The following DUSP22 variants were observed in gnomAD, a reference collection of about 807,000 sequenced individuals.
DUSP22 encodes dual specificity protein phosphatase 22.
In DUSP22, 24 loss-of-function variants were observed where a neutral mutation model predicts 24.5. That is an observed-to-expected ratio of 0.98 (90% CI 0.71 to 1.38). The LOEUF is 1.38. DUSP22 is among the 40% of genes most tolerant of loss of function. DUSP22 has a pLI of 0.00. For synonymous variants in DUSP22, 160 were observed against 106.4 expected (o/e 1.50, Z -3.10); for missense variants, 330 against 269.2 (o/e 1.23, Z -1.58).
intron 1 of DUSP22, among the ~76,000 whole-genome samples, chr6:303,365 T>A (rs1319139827): frequency 6.6e-6 from 1 of 152,310 alleles, no homozygotes; most frequent in African/African-American, 2.4e-5. Context: ...TGGCTGGTTG[T>A]CCCTCTGCAC....
rs534558705 is a variant in DUSP22 at position 308,990 on chromosome 6, T to C, written c.56-2890T>C. 2.0e-5 allele frequency among the ~76,000 whole-genome samples: 3 copies of C among 152,418 alleles called. No individual in the cohort carries two copies. In the South Asian group the frequency reaches 6.2e-4, roughly 32 times the overall value. On this transcript the variant is annotated intron_variant, in intron 2 of 6. Transcript: ENST00000419235. ...TGTGAGCGCTGAAGCTGTGGCTTTG[T>C]CTGTTTCACTGCTTTTCTAAAATGT...
At chr6:312,419 C>T (rs868389579) in intron 3 of DUSP22, among the ~76,000 whole-genome samples, 10 of 152,260 alleles carry the variant, frequency 6.6e-5, no homozygotes, top group Admixed American at 1.3e-4. Flanking sequence ...TTCCCAGGGC[C>T]GCTCTAATGT....
rs769350218 is a variant in DUSP22, at chr6:348,905, C to T, written c.572C>T (p.Pro191Leu). The change falls in exon 7 of 7, where the codon CCG becomes CTG. Residue 191 changes from proline to leucine, a missense_variant. Pro to Leu is a moderately conservative substitution (Grantham distance 98). Coordinates refer to ENST00000419235, the MANE Select transcript of DUSP22 (RefSeq NM_001286555.3). Reference protein sequence around the residue: ...QPGARRWSSFPALAPLTYDNY... With the variant: ...QPGARRWSSFLALAPLTYDNY... ...GGCGCCAGGCGGTGGAGCAGTTTTC[C>T]GGCACTGGCTCCGCTGACCTACGAT... 33 of 1,613,544 alleles carry T rather than the reference C, an allele frequency of 2.0e-5. No homozygotes were observed. Among genetic ancestry groups the T allele is most frequent in the African/African-American group, 5.3e-5 (4 of 74,950 alleles).
intron 2 of DUSP22, among the ~76,000 whole-genome samples, chr6:307,240 A>G (rs1757850925): frequency 6.6e-6 from 1 of 152,288 alleles, no homozygotes; most frequent in Non-Finnish European, 1.5e-5. Context: ...AAGGAACGTA[A>G]ACAGTCACTC....
chr6:343,919 A>T (rs1268021116), intron 4 of DUSP22, among the ~76,000 whole-genome samples: 2 of 152,428 alleles, frequency 1.3e-5, no homozygotes, highest in East Asian at 3.9e-4. Flanking sequence ...GTACTCAGTC[A>T]GTGTTTAAAG....
chr6:306,646 G>A (rs1421574442), intron 2 of DUSP22, among the ~76,000 whole-genome samples: 1 of 152,308 alleles, frequency 6.6e-6, no homozygotes, highest in Non-Finnish European at 1.5e-5. Flanking sequence ...TAAAAGAAAG[G>A]AATGAGAGTA....
At chr6:327,664 C>T (rs562366129) in intron 3 of DUSP22, among the ~76,000 whole-genome samples, 69 of 152,380 alleles carry the variant, frequency 4.5e-4, no homozygotes, top group Non-Finnish European at 9.6e-4. Flanking sequence ...GGGGGCCCAG[C>T]GTGGGGCTGA....
chr6:343,141 T>G lies in DUSP22; in HGVS notation c.189-2713T>G, dbSNP rs1477838511. 2.6e-5 allele frequency among the ~76,000 whole-genome samples: 4 copies of G among 152,306 alleles called. No homozygotes were observed. In the East Asian group the frequency reaches 7.7e-4, roughly 29 times the overall value. On this transcript the variant is annotated intron_variant, in intron 4 of 6. Transcript: ENST00000419235. Reference sequence around the variant, plus strand: ...TTTCGGGATTACAGCAGGAATCCTTTCTTGCCTGCTGTGTACCAAGCCACC... The same window carrying G: ...TTTCGGGATTACAGCAGGAATCCTTGCTTGCCTGCTGTGTACCAAGCCACC...
At chr6:347,975 C>T (rs1361532246) in intron 5 of DUSP22, 128 bp from the exon 6 acceptor site, 1 of 1,392,420 alleles carries the variant, frequency 7.2e-7, no homozygotes. Context: ...AGCTTGCTGT[C>T]CACATATAAT....
At chr6:315,047 A>G (rs1033692989) in intron 3 of DUSP22, among the ~76,000 whole-genome samples, 1 of 152,308 alleles carries the variant, frequency 6.6e-6, no homozygotes, top group African/African-American at 2.4e-5. Context: ...GTGGTCTCTG[A>G]TGCGTCTTGG....
At chr6:314,468 A>T (rs1758254639) in intron 3 of DUSP22, among the ~76,000 whole-genome samples, 2 of 152,306 alleles carry the variant, frequency 1.3e-5, no homozygotes, top group Non-Finnish European at 2.9e-5. Context: ...TTTCCAACAA[A>T]CATCTCAATG....
chr6:316,177 C>T (rs1758328222), intron 3 of DUSP22, among the ~76,000 whole-genome samples: 1 of 152,296 alleles, frequency 6.6e-6, no homozygotes, highest in Non-Finnish European at 1.5e-5. Context: ...CAGGCTGGTT[C>T]TCACATCATC....
In DUSP22 at chr6:335,163, T is replaced by C; in HGVS notation, c.188T>C (p.Leu63Pro). The C allele has an allele frequency of 6.2e-7, 1 of 1,613,670 alleles. No homozygotes were observed. The highest frequency in any genetic ancestry group is 1.1e-5 in the South Asian group (1 of 91,056). ...IPAADSPSQNLTRHFKESIKF... is the reference protein window; with the variant it reads ...IPAADSPSQNPTRHFKESIKF... ...GCAGCGGATTCACCATCTCAAAACCTGTAAGTTTCTTATTTCTGTATTATT... is the reference window on the plus strand; with the variant it reads ...GCAGCGGATTCACCATCTCAAAACCCGTAAGTTTCTTATTTCTGTATTATT... The change falls in exon 4 of 7, where the codon CTG (leucine) becomes CCG (proline). Residue 63 changes from leucine (L) to proline (P), a missense_variant and splice_region_variant. Coordinates refer to ENST00000419235, the MANE Select transcript of DUSP22 (RefSeq NM_001286555.3).
chr6:295,226 TTTC>T (rs1757269200), intron 1 of DUSP22, among the ~76,000 whole-genome samples: 1 of 152,294 alleles, frequency 6.6e-6, no homozygotes, highest in Admixed American at 6.5e-5. Flanking sequence ...TGGGACAAGA[TTTC>T]TTTCCAATCT....
At chr6:333,285 C>A (rs1238701650) in intron 3 of DUSP22, among the ~76,000 whole-genome samples, 1 of 152,306 alleles carries the variant, frequency 6.6e-6, no homozygotes, top group East Asian at 1.9e-4. Context: ...TAAATTAACC[C>A]TTGGCATGGT....
chr6:332,516 C>T (rs1759185161), intron 3 of DUSP22, among the ~76,000 whole-genome samples: 1 of 152,300 alleles, frequency 6.6e-6, no homozygotes, highest in Non-Finnish European at 1.5e-5. Flanking sequence ...TCGGGTGCCA[C>T]AAAGGGGAAC....
intron 4 of DUSP22, among the ~76,000 whole-genome samples, chr6:341,315 C>T (rs1277217697): frequency 6.6e-6 from 1 of 152,302 alleles, no homozygotes; most frequent in African/African-American, 2.4e-5. Context: ...TTGTGTTCAT[C>T]GAAACAGCTT....
intron 1 of DUSP22, among the ~76,000 whole-genome samples, chr6:304,250 C>A (rs571899400): frequency 6.6e-6 from 1 of 152,422 alleles, no homozygotes; most frequent in African/African-American, 2.4e-5. Context: ...GGAGTGTAAC[C>A]GCCTGCAGTG....
intron 1 of DUSP22, among the ~76,000 whole-genome samples, chr6:302,329 G>A (rs72838729): frequency 1.3e-5 from 2 of 152,426 alleles, no homozygotes; most frequent in Non-Finnish European, 2.9e-5. Flanking sequence ...GTGGCCAGTG[G>A]CCACAGTGTC....
Sources: gnomAD v4.1 joint callset for allele counts (sites outside exome capture counted in the v4.1 genomes callset) on GRCh38, gnomAD v4.1.1 for gene constraint, MANE v1.5 for transcripts, NCBI Gene and HGNC (gene_info 2026-07-23, HGNC 2026-07-21) for gene names.